Variants in SYT14 observed in about 807,000 individuals in gnomAD.
The protein encoded by SYT14 is synaptotagmin 14, also known as synaptotagmin-14.
Under a neutral mutation model 74.2 loss-of-function variants are expected in SYT14, and 32 were observed. The ratio of observed to expected loss-of-function variants is 0.43; its 90% CI spans 0.33 to 0.58. SYT14 has a LOEUF of 0.58. SYT14 is among the 20% of genes least tolerant of loss of function. The pLI, the probability that SYT14 is intolerant of heterozygous loss-of-function variation, is 0.05. For synonymous variants in SYT14, 298 were observed against 337.7 expected, an observed-to-expected ratio of 0.88 and a Z score of 1.29; for missense variants, 791 against 981.8, an observed-to-expected ratio of 0.81 and a Z score of 2.60.
intron 7 of SYT14, among the ~76,000 whole-genome samples, chr1:210,147,450 C>T (rs1232465570): frequency 5.9e-5 from 9 of 152,060 alleles, no homozygotes; most frequent in African/African-American, 1.9e-4. Flanking sequence ...ATAAAAATTA[C>T]AGTGAAAGGA....
chr1:210,112,087 T>G (rs1393237012), intron 7 of SYT14, among the ~76,000 whole-genome samples: 1 of 151,168 alleles, frequency 6.6e-6, no homozygotes, highest in African/African-American at 2.5e-5. Context: ...ACCAAGGAAT[T>G]ATGTCTCACA....
chr1:210,146,751 A>G (rs1274382974), intron 7 of SYT14, among the ~76,000 whole-genome samples: 1 of 151,240 alleles, frequency 6.6e-6, no homozygotes, highest in African/African-American at 2.4e-5. Flanking sequence ...ACTACATACT[A>G]TATGTTATAT....
chr1:210,016,113 A>G (rs186744911), exon 4 of SYT14: 303 of 1,232,128 alleles, frequency 2.5e-4, no homozygotes, highest in Admixed American at 1.6e-3. Context: ...GAGGTCAGCT[A>G]TGCTTTAACT....
At chr1:210,064,366 C>CTAGT (rs1406866602) in intron 5 of SYT14, among the ~76,000 whole-genome samples, 1 of 151,932 alleles carries the variant, frequency 6.6e-6, no homozygotes, top group Non-Finnish European at 1.5e-5. Flanking sequence ...TCACTATTAA[C>CTAGT]TATTTCCAGA....
exon 6 of SYT14, chr1:210,094,589 C>G (rs1432378338): frequency 6.2e-7 from 1 of 1,613,796 alleles, no homozygotes; most frequent in South Asian, 1.1e-5. Context: ...GTCCTGAGCC[C>G]TGAAGTAAGT....
At chr1:210,059,451 T>TATATATATATATATAGAGAGAG (rs377050610) in intron 5 of SYT14, among the ~76,000 whole-genome samples, 12 of 69,896 alleles carry the variant, frequency 1.7e-4, no homozygotes, top group African/African-American at 3.1e-4. Context: ...TATATATATA[T>TATATATATATATATAGAGAGAG]AGAGAGAGAG....
chr1:209,959,343 C>T (rs2079042501), intron 2 of SYT14, among the ~76,000 whole-genome samples: 1 of 151,928 alleles, frequency 6.6e-6, no homozygotes, highest in South Asian at 2.1e-4. Context: ...GGGGTTTCAC[C>T]ACATTGGCCA....
At chr1:210,108,912 T>C (rs1299057788) in intron 7 of SYT14, among the ~76,000 whole-genome samples, 1 of 151,970 alleles carries the variant, frequency 6.6e-6, no homozygotes, top group East Asian at 1.9e-4. Context: ...TCAGTTCATA[T>C]GATGTGGAAG....
At chr1:209,982,517 T>C (rs969261780) in intron 2 of SYT14, among the ~76,000 whole-genome samples, 2 of 152,254 alleles carry the variant, frequency 1.3e-5, no homozygotes, top group African/African-American at 4.8e-5. Context: ...TGAAATTTTT[T>C]TTAATAACTC....
chr1:210,013,489 A>G (rs1572157603), intron 2 of SYT14, 144 bp from the exon 3 acceptor site: 1 of 787,766 alleles, frequency 1.3e-6, no homozygotes, highest in East Asian at 2.7e-5. Context: ...TGTTTTTCTT[A>G]TAAACGAAAC....
chr1:210,161,534 G>A (rs2083373127), exon 10 of SYT14: 1 of 453,860 alleles, frequency 2.2e-6, no homozygotes, highest in South Asian at 1.6e-5. Flanking sequence ...ATCTAATGGT[G>A]AAGGGTTTCA....
intron 7 of SYT14, among the ~76,000 whole-genome samples, chr1:210,117,390 A>C (rs1444203998): frequency 6.6e-6 from 1 of 152,166 alleles, no homozygotes; most frequent in East Asian, 1.9e-4. Context: ...TATAATTCAC[A>C]ACTACCATTG....
At chr1:210,023,209 A>T (rs563776598) in intron 5 of SYT14, among the ~76,000 whole-genome samples, 1 of 152,346 alleles carries the variant, frequency 6.6e-6, no homozygotes, top group South Asian at 2.1e-4. Context: ...GATACTGTGG[A>T]TATGAAGATC....
intron 7 of SYT14, among the ~76,000 whole-genome samples, chr1:210,131,530 A>AT (rs1417687804): frequency 6.6e-6 from 1 of 151,314 alleles, no homozygotes; most frequent in Non-Finnish European, 1.5e-5. Context: ...TTATCCTTCT[A>AT]TTTTTTATCA....
At position 210,016,025 on chromosome 1, in the gene SYT14, C is replaced by T. The variant is rs2080175570; in HGVS notation, c.22C>T (p.Gln8Ter). Residue 8 changes from glutamine (Q) to a stop codon, truncating the protein, a stop_gained, in exon 4 of 10, where the codon CAA becomes TAA. Transcript: ENST00000637265. LOFTEE classifies it high-confidence loss of function. ...GAAAATGGCATTTTTCAGAAATTTC[C>T]AACAGAATCTGCCTTCAGTGTCCTC... 8.1e-7 allele frequency: 1 copy of T among 1,231,942 alleles called. No homozygotes were observed. Among genetic ancestry groups the T allele is most frequent in the Non-Finnish European group, 1.0e-6 (1 of 987,880 alleles). 76.3% of individuals were successfully genotyped at this position (1,231,942 alleles called of 1,614,324 possible).
intron 7 of SYT14, among the ~76,000 whole-genome samples, chr1:210,148,524 G>C (rs562279900): frequency 2.1e-5 from 3 of 144,998 alleles, no homozygotes; most frequent in Non-Finnish European, 4.5e-5. Context: ...AAAAAAAAAA[G>C]GACATAACCA....
At chr1:210,165,091 A>T (rs2083441936) in exon 10 of SYT14, 1 of 152,148 alleles carries the variant, frequency 6.6e-6, no homozygotes. Context: ...TTTTATTGAT[A>T]AAGAAACTGC....
chr1:210,165,691 G>T (rs1375713335), exon 10 of SYT14: 1 of 152,152 alleles, frequency 6.6e-6, no homozygotes, highest in Non-Finnish European at 1.5e-5. Context: ...ATTACAGCTA[G>T]TTTATTACAT....
At chr1:210,054,070 T>C (rs969038704) in intron 5 of SYT14, among the ~76,000 whole-genome samples, 7 of 152,160 alleles carry the variant, frequency 4.6e-5, no homozygotes, top group Non-Finnish European at 7.4e-5. Context: ...GTGTTGCTAT[T>C]TTGGTTCTCA....
Sources: gnomAD v4.1 joint callset for allele counts (sites outside exome capture counted in the v4.1 genomes callset) on GRCh38, gnomAD v4.1.1 for gene constraint, MANE v1.5 for transcripts, NCBI Gene and HGNC (gene_info 2026-07-23, HGNC 2026-07-21) for gene names.